EVC: variants seen among roughly 807,000 people sequenced by gnomAD.
EVC encodes evC complex member EVC.
Under a neutral mutation model 118.9 loss-of-function variants are expected in EVC, and 116 were observed. The ratio of observed to expected loss-of-function variants is 0.98; its 90% CI spans 0.84 to 1.14. EVC has a LOEUF of 1.14. Ranked by LOEUF, EVC falls within the 50% of genes most tolerant of loss-of-function variation. The probability of loss-of-function intolerance (pLI) is 0.00; values close to 1 mark genes in which losing one functional copy is unlikely to be tolerated. For synonymous variants in EVC, 619 were observed against 534.7 expected, an observed-to-expected ratio of 1.16 and a Z score of -2.18; for missense variants, 1,401 against 1,246.4, an observed-to-expected ratio of 1.12 and a Z score of -1.87.
intron 11 of EVC, among the ~76,000 whole-genome samples, chr4:5,780,969 G>T (rs1024156346): frequency 2.0e-5 from 3 of 152,206 alleles, no homozygotes; most frequent in Non-Finnish European, 1.5e-5. Context: ...GTGGCAGCAT[G>T]TGTGAAATGT....
Position 5,759,925 on chromosome 4 carries a change from T to C in EVC, c.1563+3563T>C, listed in dbSNP as rs557476024. Among the ~76,000 whole-genome samples the C allele has an allele frequency of 2.0e-3, 298 of 152,274 alleles. 6 individuals carry two copies. Among genetic ancestry groups the C allele is most frequent in the African/African-American group, 6.8e-3 (281 of 41,502 alleles). On this transcript the variant is annotated intron_variant, in intron 11 of 20. Coordinates refer to ENST00000264956, the MANE Select transcript of EVC (RefSeq NM_153717.3). ...GAGACAGGAGACATCAATCGGTACA[T>C]GTAAGAAGTACATTGGTTCGGTCAG... is the stretch of plus-strand genomic sequence containing the variant.
At chr4:5,730,113 T>C (rs1482215323) in intron 3 of EVC, among the ~76,000 whole-genome samples, 4 of 152,220 alleles carry the variant, frequency 2.6e-5, no homozygotes, top group Non-Finnish European at 5.9e-5. Flanking sequence ...ATTCACTGTG[T>C]GGCGTTTCCT....
At chr4:5,730,742 G>T (rs563557054) in intron 3 of EVC, among the ~76,000 whole-genome samples, 1 of 152,022 alleles carries the variant, frequency 6.6e-6, no homozygotes, top group Non-Finnish European at 1.5e-5. Context: ...AACAAATGGG[G>T]GGTGTTTCAG....
chr4:5,751,312 C>T (rs1730329757), intron 8 of EVC, among the ~76,000 whole-genome samples: 1 of 152,198 alleles, frequency 6.6e-6, no homozygotes, highest in Non-Finnish European at 1.5e-5. Flanking sequence ...CATTCCACAT[C>T]CCTCTTCTCA....
intron 11 of EVC, among the ~76,000 whole-genome samples, chr4:5,772,663 C>G (rs1734161606): frequency 6.6e-6 from 1 of 152,106 alleles, no homozygotes; most frequent in Admixed American, 6.5e-5. Context: ...TATGACGCTT[C>G]CACCCAAGCT....
At chr4:5,762,662 G>C (rs1380628436) in intron 11 of EVC, among the ~76,000 whole-genome samples, 10 of 149,508 alleles carry the variant, frequency 6.7e-5, no homozygotes, top group Non-Finnish European at 3.0e-5. Flanking sequence ...TTGATGGTGA[G>C]CATTTTTTCA....
chr4:5,752,416 C>CT (rs1297543987), intron 8 of EVC, among the ~76,000 whole-genome samples: 1 of 152,144 alleles, frequency 6.6e-6, no homozygotes, highest in Non-Finnish European at 1.5e-5. Flanking sequence ...CTCTGGGGCT[C>CT]TAACAAAAGC....
intron 11 of EVC, among the ~76,000 whole-genome samples, chr4:5,772,045 C>T (rs922999256): frequency 4.6e-5 from 7 of 152,018 alleles, no homozygotes; most frequent in Middle Eastern, 3.4e-3. Context: ...CTACAGGCAC[C>T]GCCACCACGC....
rs66556476 is a variant in EVC at position 5,738,306 on chromosome 4, T to A, written c.703-3410T>A. 0.17 allele frequency among the ~76,000 whole-genome samples: 26,160 copies of A among 152,188 alleles called. 2,589 individuals are homozygous for A. Among genetic ancestry groups the A allele is most frequent in the Non-Finnish European group, 0.22 (15,051 of 67,992 alleles). On this transcript the variant is annotated intron_variant, in intron 5 of 20. Transcript: ENST00000264956. The surrounding 1 kb of genome is among the most constrained non-coding windows in gnomAD (Gnocchi z 6.5). ...CTTCTGGTGAAGATGCTGTGAACAT[T>A]GTTGAAATGACAAAAAGGATTTAGA...
At chr4:5,820,853 G>GTTGT in the EVC span, 1 of 152,202 alleles carries the variant, frequency 6.6e-6, no homozygotes, top group Admixed American at 6.5e-5. Flanking sequence ...CAACAAGTTG[G>GTTGT]TTGTTAAGTA....
Position 5,719,050 on chromosome 4 carries a change from T to C in EVC, c.175-198T>C, listed in dbSNP as rs775857185. The stretch of plus-strand genomic sequence containing the variant: ...CCGCTCAGGAAGGTGACCTGTGCAG[T>C]CTTGAAGGACATGTAGCGGACCCCA... On this transcript the variant is annotated intron_variant, in intron 1 of 20. Transcript: ENST00000264956. The surrounding 1 kb of genome is among the most constrained non-coding windows in gnomAD (Gnocchi z 4.7). 5.5e-4 allele frequency among the ~76,000 whole-genome samples: 83 copies of C among 152,044 alleles called. No individual in the cohort carries two copies. Among genetic ancestry groups the C allele is most frequent in the Non-Finnish European group, 1.1e-3 (77 of 68,012 alleles).
intron 8 of EVC, among the ~76,000 whole-genome samples, chr4:5,752,495 G>T (rs1024889673): frequency 6.6e-6 from 1 of 152,126 alleles, no homozygotes; most frequent in African/African-American, 2.4e-5. Context: ...TTGGCCGGGG[G>T]AGATGACTAT....
chr4:5,759,858 C>T (rs1731737207), intron 11 of EVC, among the ~76,000 whole-genome samples: 1 of 152,204 alleles, frequency 6.6e-6, no homozygotes, highest in Non-Finnish European at 1.5e-5. Context: ...ACGACACGCG[C>T]CCAAGGGGGT....
intron 2 of EVC, among the ~76,000 whole-genome samples, chr4:5,722,518 A>C (rs1577333466): frequency 6.6e-6 from 1 of 152,028 alleles, no homozygotes. Context: ...TGCACAGAAA[A>C]CCAGGGCCTT....
At chr4:5,805,151 CA>C (rs1715665612) in intron 17 of EVC, among the ~76,000 whole-genome samples, 1 of 152,166 alleles carries the variant, frequency 6.6e-6, no homozygotes, top group Non-Finnish European at 1.5e-5. Flanking sequence ...ATACTTTGGG[CA>C]TTCTCAGAAG....
chr4:5,794,295 ATATT>A (rs1713403375), intron 13 of EVC, among the ~76,000 whole-genome samples: 1 of 134,792 alleles, frequency 7.4e-6, no homozygotes, highest in Admixed American at 7.8e-5. Context: ...ATATTTTTAT[ATATT>A]TATATTTTTA....
rs1235384064 is a variant in EVC, at chr4:5,746,488, G to A, written c.939+1147G>A. ...GAGGGAGCCAATGCTCCTGTCCTCT[G>A]AATAGGTCCAATATTGAGAGGAGAG... On this transcript the variant is annotated intron_variant, in intron 7 of 20. Coordinates refer to ENST00000264956, the MANE Select transcript of EVC (RefSeq NM_153717.3). The surrounding 1 kb of genome is among the most constrained non-coding windows in gnomAD (Gnocchi z 5.8). Among the ~76,000 whole-genome samples the A allele has an allele frequency of 1.3e-5, 2 of 152,182 alleles. No individual in the cohort carries two copies. Among genetic ancestry groups the A allele is most frequent in the African/African-American group, 2.4e-5 (1 of 41,452 alleles).
downstream of EVC, among the ~76,000 whole-genome samples, chr4:5,815,443 C>T (rs1717521861): frequency 6.6e-6 from 1 of 152,166 alleles, no homozygotes; most frequent in African/African-American, 2.4e-5. Flanking sequence ...CCAGGTGCTT[C>T]CACACCCTCA....
chr4:5,802,732 C>T (rs978985642), intron 16 of EVC, among the ~76,000 whole-genome samples: 1 of 152,150 alleles, frequency 6.6e-6, no homozygotes, highest in Admixed American at 6.5e-5. Context: ...GATGCCACTG[C>T]TGATGTGACA....
Sources: allele counts gnomAD v4.1 joint callset (sites outside exome capture counted in the v4.1 genomes callset), GRCh38; gene constraint gnomAD v4.1.1; non-coding constraint Gnocchi (gnomAD v3.1); transcripts MANE v1.5; gene names NCBI Gene and HGNC (gene_info 2026-07-23, HGNC 2026-07-21).